C1orf21: variants seen among roughly 807,000 people sequenced by gnomAD.
The protein encoded by C1orf21 is uncharacterized protein C1orf21.
Under a neutral mutation model 18.7 loss-of-function variants are expected in C1orf21, and 3 were observed. The observed-to-expected ratio is 0.16, with a 90% CI of 0.07 to 0.42. C1orf21 has a LOEUF of 0.42. Ranked by LOEUF, C1orf21 falls within the 10% of genes least tolerant of loss-of-function variation. The pLI is 0.99. For missense variants in C1orf21, 104 were observed against 143.6 expected (o/e 0.72, Z 1.41); for synonymous variants, 41 against 46.4 (o/e 0.88, Z 0.47).
At chr1:184,533,318 G>T (rs1017990788) in intron 3 of C1orf21, among the ~76,000 whole-genome samples, 3 of 151,944 alleles carry the variant, frequency 2.0e-5, no homozygotes, top group African/African-American at 4.8e-5. Flanking sequence ...TATCATAATC[G>T]TAATTAAAGT....
intron 4 of C1orf21, among the ~76,000 whole-genome samples, chr1:184,597,921 C>T (rs755269307): frequency 2.0e-5 from 3 of 152,128 alleles, no homozygotes; most frequent in Non-Finnish European, 2.9e-5. Flanking sequence ...ATCTGTATGT[C>T]CTCAGCTTGT....
chr1:184,593,380 A>G (rs1398555707), intron 4 of C1orf21, among the ~76,000 whole-genome samples: 1 of 152,200 alleles, frequency 6.6e-6, no homozygotes, highest in Non-Finnish European at 1.5e-5. Flanking sequence ...TGGAGGGCCA[A>G]GAGAAGAGTT....
intron 1 of C1orf21, among the ~76,000 whole-genome samples, chr1:184,434,983 C>T (rs745824718): frequency 9.9e-5 from 15 of 152,092 alleles, no homozygotes; most frequent in African/African-American, 1.7e-4. Flanking sequence ...TACGTTATTA[C>T]GGTAGTGGGT....
At chr1:184,407,655 A>G (rs936353797) in intron 1 of C1orf21, among the ~76,000 whole-genome samples, 5 of 152,158 alleles carry the variant, frequency 3.3e-5, no homozygotes, top group African/African-American at 1.2e-4. Flanking sequence ...TAGCTATAAT[A>G]AATCTCTTAC....
At chr1:184,475,256 G>A (rs1428302923) in intron 1 of C1orf21, among the ~76,000 whole-genome samples, 1 of 152,056 alleles carries the variant, frequency 6.6e-6, no homozygotes, top group African/African-American at 2.4e-5. Context: ...ATGGTCTTAC[G>A]ATGTCCTTTA....
Position 184,572,682 on chromosome 1 carries a change from G to A in C1orf21, c.190-18057G>A, listed in dbSNP as rs772479526. Among the ~76,000 whole-genome samples the A allele has an allele frequency of 5.3e-5, 8 of 152,104 alleles. No homozygotes were observed. The South Asian group carries it at 6.2e-4, about 12-fold the overall frequency. ...AAAAATTATGCTTCAGGCCAGGTGC[G>A]GTGGCTCACGCCTGTAATCCCAGCA... On this transcript the variant is annotated intron_variant, in intron 3 of 5. Coordinates refer to ENST00000235307, the MANE Select transcript of C1orf21 (RefSeq NM_030806.4).
chr1:184,613,578 G>A (rs186365770), intron 5 of C1orf21, among the ~76,000 whole-genome samples: 6 of 152,240 alleles, frequency 3.9e-5, no homozygotes, highest in Admixed American at 2.6e-4. Flanking sequence ...TGTGCAAAAC[G>A]TTGATGGTTT....
chr1:184,610,780 G>A (rs550757618), intron 5 of C1orf21, among the ~76,000 whole-genome samples: 4 of 151,440 alleles, frequency 2.6e-5, no homozygotes, highest in Non-Finnish European at 4.4e-5. Context: ...CCTGGGAGGC[G>A]GAGCTTGTAG....
At chr1:184,479,613 CTTTTTTTTTTTTT>C (rs55840285) in intron 2 of C1orf21, among the ~76,000 whole-genome samples, 1 of 62,214 alleles carries the variant, frequency 1.6e-5, no homozygotes, top group Non-Finnish European at 2.9e-5. Flanking sequence ...TCCCATAGGT[CTTTTTTTTTTTTT>C]TTTTTTTTTT....
chr1:184,594,054 G>A (rs1659481741), intron 4 of C1orf21, among the ~76,000 whole-genome samples: 1 of 152,154 alleles, frequency 6.6e-6, no homozygotes, highest in African/African-American at 2.4e-5. Context: ...AGTCAGCTAT[G>A]GGTGGTTGTC....
chr1:184,473,659 G>T (rs942359096), intron 1 of C1orf21, among the ~76,000 whole-genome samples: 2 of 152,140 alleles, frequency 1.3e-5, no homozygotes, highest in Non-Finnish European at 2.9e-5. Flanking sequence ...GGCTATAAAA[G>T]AGATACAAAT....
rs530323232 is a variant in C1orf21 at position 184,514,085 on chromosome 1, C to T, written c.189+6403C>T. On this transcript the variant is annotated intron_variant, in intron 3 of 5. Coordinates refer to ENST00000235307, the MANE Select transcript of C1orf21 (RefSeq NM_030806.4). ...GCCAAAGTGGGAGGATCACTTGAGGCCAGGACTTTGAGGCCAGCCTGGGCA... is the reference window on the plus strand; with the variant it reads ...GCCAAAGTGGGAGGATCACTTGAGGTCAGGACTTTGAGGCCAGCCTGGGCA... Among the ~76,000 whole-genome samples, 3 of 152,252 alleles carry T rather than the reference C, an allele frequency of 2.0e-5. No homozygotes were observed. In the South Asian group the frequency reaches 6.2e-4, roughly 32 times the overall value.
intron 1 of C1orf21, among the ~76,000 whole-genome samples, chr1:184,452,730 T>C (rs764115739): frequency 1.3e-5 from 2 of 152,154 alleles, no homozygotes; most frequent in African/African-American, 2.4e-5. Flanking sequence ...TACACAAAAT[T>C]GTTGTAATTG....
intron 1 of C1orf21, among the ~76,000 whole-genome samples, chr1:184,435,642 G>A (rs1036372926): frequency 2.0e-5 from 3 of 152,088 alleles, no homozygotes; most frequent in South Asian, 2.1e-4. Context: ...TGTGCCTGGC[G>A]TATAGATGGT....
intron 3 of C1orf21, among the ~76,000 whole-genome samples, chr1:184,569,153 T>C (rs1659075383): frequency 6.6e-6 from 1 of 152,244 alleles, no homozygotes; most frequent in South Asian, 2.1e-4. Context: ...CATGGTGTTT[T>C]CTTTTGCTTT....
chr1:184,426,595 A>G (rs1202759991), intron 1 of C1orf21, among the ~76,000 whole-genome samples: 2 of 152,154 alleles, frequency 1.3e-5, no homozygotes, highest in Non-Finnish European at 2.9e-5. Context: ...TCTTCCTCCT[A>G]TCTTTTAATT....
At chr1:184,604,993 G>C (rs140342277) in intron 5 of C1orf21, among the ~76,000 whole-genome samples, 23 of 152,316 alleles carry the variant, frequency 1.5e-4, no homozygotes, top group Admixed American at 7.8e-4. Flanking sequence ...CTGTGCATCA[G>C]GTGTGGCCAA....
chr1:184,397,158 C>A (rs1413116828), intron 1 of C1orf21, among the ~76,000 whole-genome samples: 4 of 152,146 alleles, frequency 2.6e-5, no homozygotes, highest in Non-Finnish European at 5.9e-5. Context: ...GAGGATCAGG[C>A]AGTGGCATGT....
intron 1 of C1orf21, among the ~76,000 whole-genome samples, chr1:184,409,731 G>A (rs948691234): frequency 2.0e-5 from 3 of 152,148 alleles, no homozygotes; most frequent in Non-Finnish European, 4.4e-5. Flanking sequence ...TGACTCCAGG[G>A]GCTCTGGGTA....
Sources: gnomAD v4.1 joint callset for allele counts (sites outside exome capture counted in the v4.1 genomes callset) on GRCh38, gnomAD v4.1.1 for gene constraint, MANE v1.5 for transcripts, NCBI Gene and HGNC (gene_info 2026-07-23, HGNC 2026-07-21) for gene names.